PTPRT: variants seen among roughly 807,000 people sequenced by gnomAD.
PTPRT encodes receptor-type tyrosine-protein phosphatase T.
A neutral mutation model predicts 176.8 loss-of-function variants in PTPRT; 56 were observed. That is an observed-to-expected ratio of 0.32 (90% CI 0.26 to 0.40). The LOEUF (loss-of-function observed/expected upper bound fraction) is 0.40. Ranked by LOEUF, PTPRT falls within the 10% of genes least tolerant of loss-of-function variation. PTPRT has a pLI of 1.00. For missense variants in PTPRT, 1,540 were observed against 1,908.2 expected, an observed-to-expected ratio of 0.81 and a Z score of 3.60; for synonymous variants, 783 against 739.0, an observed-to-expected ratio of 1.06 and a Z score of -0.96.
At chr20:42,576,645 C>G (rs1179232578) in intron 7 of PTPRT, among the ~76,000 whole-genome samples, 1 of 152,104 alleles carries the variant, frequency 6.6e-6, no homozygotes, top group Admixed American at 6.5e-5. Context: ...CAGGAGTTAT[C>G]TGTGTCAGAA....
Position 43,106,175 on chromosome 20 carries a change from C to G in PTPRT, c.88+83471G>C, listed in dbSNP as rs114713421. 8.9e-3 allele frequency among the ~76,000 whole-genome samples: 1,360 copies of G among 152,272 alleles called. 19 individuals carry two copies. Among genetic ancestry groups the G allele is most frequent in the African/African-American group, 0.031 (1,307 of 41,532 alleles). ...GGGTCTCTCCTCTGGACCCAGACAG[C>G]TACCTAACTTCTGGGTTCCTCTGCC... is the stretch of plus-strand genomic sequence containing the variant. On this transcript the variant is annotated intron_variant, in intron 1 of 30. Coordinates refer to ENST00000373187, the MANE Select transcript of PTPRT (RefSeq NM_007050.6).
intron 1 of PTPRT, among the ~76,000 whole-genome samples, chr20:43,045,106 T>C (rs752504420): frequency 6.6e-5 from 10 of 152,366 alleles, no homozygotes; most frequent in East Asian, 1.9e-4. Context: ...GAGATTATTA[T>C]GTTTCAGAGT....
At chr20:42,836,183 C>G (rs536888393) in intron 2 of PTPRT, among the ~76,000 whole-genome samples, 1 of 152,260 alleles carries the variant, frequency 6.6e-6, no homozygotes, top group East Asian at 1.9e-4. Flanking sequence ...TCCTGCTGCC[C>G]AGGCCTAGGT....
intron 16 of PTPRT, among the ~76,000 whole-genome samples, chr20:42,180,137 T>C (rs1025068527): frequency 6.6e-6 from 1 of 152,204 alleles, no homozygotes; most frequent in Non-Finnish European, 1.5e-5. Context: ...GTCTTCACTA[T>C]TTTTTGGAAG....
Position 42,659,092 on chromosome 20 carries a change from A to T in PTPRT, c.1153+18774T>A, listed in dbSNP as rs1028952740. 5.3e-5 allele frequency among the ~76,000 whole-genome samples: 8 copies of T among 152,160 alleles called. No homozygotes were observed. In the East Asian group the frequency reaches 1.2e-3, roughly 22 times the overall value. ...TTCCAAAATAAAATAATGAAAACAT[A>T]TTTTTTTCATCATTGCTACGAAATG... On this transcript the variant is annotated intron_variant, in intron 7 of 30. Coordinates refer to ENST00000373187, the MANE Select transcript of PTPRT (RefSeq NM_007050.6).
chr20:42,106,642 C>T, intron 24 of PTPRT, 144 bp downstream of exon 24: 6 of 1,110,254 alleles, frequency 5.4e-6, no homozygotes, highest in Non-Finnish European at 7.7e-6. Flanking sequence ...CCATAGTAAG[C>T]CACGTGTCTA....
intron 7 of PTPRT, among the ~76,000 whole-genome samples, chr20:42,485,010 G>C (rs6102853): frequency 0.12 from 17,675 of 152,226 alleles, 1,155 homozygotes; most frequent in East Asian, 0.22. Context: ...GTGGTCAGCT[G>C]TGTGCCTCCT....
rs566066455 is a variant in PTPRT, at chr20:42,705,249, G to C, written c.860-27090C>G. ...ATTGTTACACACGTCCATATAAAAGGCTACTTGAGCAGGCTTAGAGTGAGC... is the reference window on the plus strand; with the variant it reads ...ATTGTTACACACGTCCATATAAAAGCCTACTTGAGCAGGCTTAGAGTGAGC... On this transcript the variant is annotated intron_variant, in intron 6 of 30. Coordinates refer to ENST00000373187, the MANE Select transcript of PTPRT (RefSeq NM_007050.6). Among the ~76,000 whole-genome samples, 8 of 152,180 alleles carry C rather than the reference G, an allele frequency of 5.3e-5. 1 individual carries two copies. The South Asian group carries it at 1.2e-3, about 24-fold the overall frequency.
At chr20:43,116,049 T>C (rs1034329475) in intron 1 of PTPRT, among the ~76,000 whole-genome samples, 5 of 152,184 alleles carry the variant, frequency 3.3e-5, no homozygotes, top group East Asian at 1.9e-4. Flanking sequence ...ACAAATCTAA[T>C]TGATCCTTGC....
chr20:43,135,524 C>T (rs2013803492), intron 1 of PTPRT, among the ~76,000 whole-genome samples: 1 of 152,106 alleles, frequency 6.6e-6, no homozygotes, highest in Non-Finnish European at 1.5e-5. Context: ...TAATAATTTT[C>T]CTCTTCCAGT....
At chr20:42,128,373 C>G (rs1987961123) in intron 19 of PTPRT, among the ~76,000 whole-genome samples, 1 of 151,836 alleles carries the variant, frequency 6.6e-6, no homozygotes, top group African/African-American at 2.4e-5. Flanking sequence ...GGGTAGAGAC[C>G]ATGGTATTAT....
At chr20:42,420,937 G>A (rs1051324129) in intron 9 of PTPRT, among the ~76,000 whole-genome samples, 1 of 152,144 alleles carries the variant, frequency 6.6e-6, no homozygotes, top group Non-Finnish European at 1.5e-5. Flanking sequence ...CCTTAGGAAA[G>A]GATTAGGATT....
chr20:42,337,315 A>T (rs2058054603), intron 11 of PTPRT, among the ~76,000 whole-genome samples: 1 of 152,184 alleles, frequency 6.6e-6, no homozygotes, highest in African/African-American at 2.4e-5. Flanking sequence ...CAATGAAAAA[A>T]TGTAACATAA....
At position 42,078,690 on chromosome 20, in the gene PTPRT, C is replaced by T. The variant is rs1397886509; in HGVS notation, c.*2189G>A. Reference sequence around the variant, plus strand: ...GGACCCTGGCTCATCTCTTGCTGCTCCCCGTGTTGTGCTGTGCCCGCACTG... The same window carrying T: ...GGACCCTGGCTCATCTCTTGCTGCTTCCCGTGTTGTGCTGTGCCCGCACTG... On this transcript the variant is annotated 3_prime_UTR_variant, in exon 31 of 31. Coordinates refer to ENST00000373187, the MANE Select transcript of PTPRT (RefSeq NM_007050.6). 5.6e-6 allele frequency: 1 copy of T among 179,238 alleles called. No individual in the cohort carries two copies. Among genetic ancestry groups the T allele is most frequent in the Non-Finnish European group, 1.2e-5 (1 of 83,700 alleles). 11.1% of individuals were successfully genotyped at this position (179,238 alleles called of 1,614,324 possible). A position where few individuals can be genotyped will look rare whatever the true frequency, so the allele number is the denominator to read the frequency against.
At chr20:43,145,270 T>C (rs2014136517) in intron 1 of PTPRT, among the ~76,000 whole-genome samples, 1 of 152,244 alleles carries the variant, frequency 6.6e-6, no homozygotes, top group South Asian at 2.1e-4. Flanking sequence ...TTTCTTTATT[T>C]ATTGACTAGA....
chr20:43,022,340 A>G (rs1235009868), intron 1 of PTPRT, among the ~76,000 whole-genome samples: 1 of 152,226 alleles, frequency 6.6e-6, no homozygotes, highest in Non-Finnish European at 1.5e-5. Flanking sequence ...GGAGACTCTC[A>G]AAAGTCCACC....
Position 43,009,731 on chromosome 20 carries a change from C to T in PTPRT, c.89-123799G>A, listed in dbSNP as rs185896204. Among the ~76,000 whole-genome samples the T allele has an allele frequency of 5.9e-4, 90 of 152,308 alleles. 1 individual carries two copies. The highest frequency in any genetic ancestry group is 1.7e-3 in the African/African-American group (70 of 41,576). The stretch of plus-strand genomic sequence containing the variant: ...TGCACCATCTTTACCCCAGTCCACA[C>T]TTGACTTCTTCCATTGACTGGGCAT... On this transcript the variant is annotated intron_variant, in intron 1 of 30. Transcript: ENST00000373187.
chr20:42,490,821 T>C (rs762914708), intron 7 of PTPRT, among the ~76,000 whole-genome samples: 8 of 152,192 alleles, frequency 5.3e-5, no homozygotes, highest in African/African-American at 1.9e-4. Context: ...CTGTAGAATT[T>C]TGGCTTATAA....
rs149101442 is a variant in PTPRT at position 42,579,422 on chromosome 20, C to T, written c.1153+98444G>A. Reference sequence around the variant, plus strand: ...GATTTATAATCCTTTGGGTAAATACCCAGTAATGGCATGGCTGGGTCAAAT... The same window carrying T: ...GATTTATAATCCTTTGGGTAAATACTCAGTAATGGCATGGCTGGGTCAAAT... On this transcript the variant is annotated intron_variant, in intron 7 of 30. Transcript: ENST00000373187. Among the ~76,000 whole-genome samples, 178 of 152,132 alleles carry T rather than the reference C, an allele frequency of 1.2e-3. 1 individual carries two copies. The highest frequency in any genetic ancestry group is 4.1e-3 in the African/African-American group (171 of 41,480).
Sources: allele counts gnomAD v4.1 joint callset (sites outside exome capture counted in the v4.1 genomes callset), GRCh38; gene constraint gnomAD v4.1.1; transcripts MANE v1.5; gene names NCBI Gene and HGNC (gene_info 2026-07-23, HGNC 2026-07-21).